Variants in DGLUCY observed in about 807,000 individuals in gnomAD.
The protein encoded by DGLUCY is D-glutamate cyclase, also known as D-glutamate cyclase, mitochondrial.
Under a neutral mutation model 58.5 loss-of-function variants are expected in DGLUCY, and 58 were observed. The observed-to-expected ratio is 0.99, with a 90% confidence interval of 0.80 to 1.23. The LOEUF (loss-of-function observed/expected upper bound fraction) is 1.23, where lower values mean the gene tolerates loss of function less well. Ranked by LOEUF, DGLUCY falls within the 50% of genes most tolerant of loss-of-function variation. The pLI is 0.00. For missense variants in DGLUCY, 779 were observed against 784.7 expected (o/e 0.99, Z 0.09); for synonymous variants, 325 against 314.1 (o/e 1.03, Z -0.37).
intron 7 of DGLUCY, 61 bp from the exon 8 acceptor site, chr14:91,181,125 A>G (rs556497577): frequency 1.3e-6 from 2 of 1,527,774 alleles, no homozygotes; most frequent in Admixed American, 1.7e-5. Flanking sequence ...AGTGGGCTAG[A>G]TGAGGGTAGG....
intron 11 of DGLUCY, among the ~76,000 whole-genome samples, chr14:91,203,896 C>G (rs1002713292): frequency 6.6e-6 from 1 of 152,134 alleles, no homozygotes; most frequent in Non-Finnish European, 1.5e-5. Flanking sequence ...AGACTGGTCT[C>G]GAACTCCTGA....
At chr14:91,063,076 C>T (rs117174588) in intron 1 of DGLUCY, among the ~76,000 whole-genome samples, 1 of 152,214 alleles carries the variant, frequency 6.6e-6, no homozygotes, top group East Asian at 1.9e-4. Flanking sequence ...TTACAGGGTG[C>T]TACAATAGAA....
At chr14:91,090,390 T>C (rs181139387) in intron 1 of DGLUCY, among the ~76,000 whole-genome samples, 221 of 152,276 alleles carry the variant, frequency 1.5e-3, no homozygotes, top group Middle Eastern at 3.4e-3. Context: ...TTTTTTTTGT[T>C]TTAGATGCCA....
At chr14:91,108,675 C>T (rs1177725373) in intron 1 of DGLUCY, among the ~76,000 whole-genome samples, 4 of 151,998 alleles carry the variant, frequency 2.6e-5, no homozygotes, top group Non-Finnish European at 5.9e-5. Flanking sequence ...GTAGTTGGGA[C>T]TACAGGCATG....
chr14:91,082,063 T>C (rs1352490910), intron 1 of DGLUCY, among the ~76,000 whole-genome samples: 1 of 152,130 alleles, frequency 6.6e-6, no homozygotes, highest in East Asian at 1.9e-4. Context: ...TAAAGTAACA[T>C]ATTCACAGGC....
At chr14:91,113,096 T>G (rs1465759728), upstream of DGLUCY, among the ~76,000 whole-genome samples, 2 of 150,366 alleles carry the variant, frequency 1.3e-5, no homozygotes. Flanking sequence ...GGGCAGGCGC[T>G]CGAGACCAGC....
chr14:91,119,568 C>G (rs554943092), intron 1 of DGLUCY, among the ~76,000 whole-genome samples: 1 of 152,270 alleles, frequency 6.6e-6, no homozygotes, highest in African/African-American at 2.4e-5. Context: ...CACTCACTCC[C>G]TAAATATCCT....
intron 1 of DGLUCY, among the ~76,000 whole-genome samples, chr14:91,080,946 G>A (rs1462950427): frequency 6.6e-6 from 1 of 152,160 alleles, no homozygotes; most frequent in Non-Finnish European, 1.5e-5. Context: ...GCTCACACCT[G>A]TAATCCCAGC....
intron 1 of DGLUCY, among the ~76,000 whole-genome samples, chr14:91,075,550 C>T (rs1382758217): frequency 6.6e-6 from 1 of 152,180 alleles, no homozygotes; most frequent in African/African-American, 2.4e-5. Flanking sequence ...GATTTGGGTT[C>T]TCTTCCTCAA....
chr14:91,125,458 T>C (rs2045618771), intron 1 of DGLUCY: 1 of 151,898 alleles, frequency 6.6e-6, no homozygotes, highest in African/African-American at 2.4e-5. Flanking sequence ...TTAGATAGGG[T>C]TGCTTGTAGG....
intron 1 of DGLUCY, among the ~76,000 whole-genome samples, chr14:91,130,844 G>T (rs1302573272): frequency 6.6e-6 from 1 of 151,906 alleles, no homozygotes; most frequent in South Asian, 2.1e-4. Context: ...GTAAATGCCT[G>T]TTTATATCTT....
intron 1 of DGLUCY, among the ~76,000 whole-genome samples, chr14:91,080,657 C>T (rs2044108312): frequency 6.6e-6 from 1 of 152,166 alleles, no homozygotes; most frequent in South Asian, 2.1e-4. Flanking sequence ...GCATGAGCCA[C>T]CACACGCAGC....
chr14:91,064,622 C>CAAAAAAAAAAAAAAAA, intron 1 of DGLUCY, among the ~76,000 whole-genome samples: 1 of 57,614 alleles, frequency 1.7e-5, no homozygotes, highest in Non-Finnish European at 3.5e-5. Flanking sequence ...GACTCTGTCT[C>CAAAAAAAAAAAAAAAA]AAAAAAAAAA....
intron 1 of DGLUCY, among the ~76,000 whole-genome samples, chr14:91,073,432 T>G (rs2043956781): frequency 6.6e-6 from 1 of 152,160 alleles, no homozygotes; most frequent in African/African-American, 2.4e-5. Flanking sequence ...CAGAGTGAGA[T>G]TCCATCTCAA....
At chr14:91,075,259 A>G (rs1426109033) in intron 1 of DGLUCY, among the ~76,000 whole-genome samples, 2 of 151,970 alleles carry the variant, frequency 1.3e-5, no homozygotes, top group African/African-American at 2.4e-5. Context: ...TCCTCCTCCT[A>G]CAGGGTTGTC....
intron 3 of DGLUCY, among the ~76,000 whole-genome samples, chr14:91,164,259 A>C (rs1462493685): frequency 6.6e-6 from 1 of 152,146 alleles, no homozygotes; most frequent in Non-Finnish European, 1.5e-5. Context: ...CCAATAGAAC[A>C]TAATTATGTT....
At chr14:91,127,712 G>C (rs1484943719) in intron 1 of DGLUCY, among the ~76,000 whole-genome samples, 3 of 152,224 alleles carry the variant, frequency 2.0e-5, no homozygotes, top group Non-Finnish European at 2.9e-5. Context: ...TCCTAGCCTG[G>C]GGCAGGGAAT....
chr14:91,084,353 A>G (rs2044176570), intron 1 of DGLUCY, among the ~76,000 whole-genome samples: 1 of 151,800 alleles, frequency 6.6e-6, no homozygotes, highest in African/African-American at 2.4e-5. Context: ...ACAGGCACCC[A>G]CCACCATGCT....
intron 1 of DGLUCY, among the ~76,000 whole-genome samples, chr14:91,130,153 A>C (rs917346886): frequency 2.0e-5 from 3 of 152,182 alleles, no homozygotes; most frequent in Admixed American, 6.5e-5. Context: ...TATAACAATC[A>C]ACCCTTGCAC....
Sources: gnomAD v4.1 joint callset for allele counts (sites outside exome capture counted in the v4.1 genomes callset) on GRCh38, gnomAD v4.1.1 for gene constraint, MANE v1.5 for transcripts, NCBI Gene and HGNC (gene_info 2026-07-23, HGNC 2026-07-21) for gene names.